Variants in RELCH observed in about 807,000 individuals in gnomAD.
RELCH encodes RAB11 binding and LisH domain, coiled-coil and HEAT repeat containing, also known as RAB11-binding protein RELCH.
RELCH carries 41 observed loss-of-function variants against 150.3 expected under a neutral mutation model. The observed-to-expected ratio is 0.27, with a 90% confidence interval of 0.21 to 0.35. The LOEUF is 0.35. Ranked by LOEUF, RELCH falls within the 10% of genes least tolerant of loss-of-function variation. RELCH has a pLI of 1.00. For synonymous variants in RELCH, 478 were observed against 531.8 expected (o/e 0.90, Z 1.39); for missense variants, 1,092 against 1,467.8 (o/e 0.74, Z 4.18).
intron 12 of RELCH, among the ~76,000 whole-genome samples, chr18:62,253,182 GT>G (rs1485272139): frequency 1.3e-5 from 2 of 151,674 alleles, no homozygotes; most frequent in African/African-American, 4.8e-5. Flanking sequence ...AGGCAATGAT[GT>G]TTAGGAAAGA....
intron 19 of RELCH, among the ~76,000 whole-genome samples, chr18:62,267,668 G>A (rs756262452): frequency 5.9e-5 from 9 of 151,498 alleles, no homozygotes; most frequent in Non-Finnish European, 1.0e-4. Context: ...GTGTGGGGGC[G>A]GTGGACAAAT....
At chr18:62,269,487 A>C in intron 20 of RELCH, 1 of 341,794 alleles carries the variant, frequency 2.9e-6, no homozygotes, top group South Asian at 2.2e-5. Flanking sequence ...TGTGTTTCAT[A>C]TACACATTAT....
chr18:62,277,842 G>A (rs2044296336), intron 22 of RELCH: 1 of 890,974 alleles, frequency 1.1e-6, no homozygotes, highest in South Asian at 5.1e-5. Context: ...TTTCCCAAAA[G>A]ATGCAGAAAA....
rs750693301 is a variant in RELCH, at chr18:62,261,554, T to C, written c.2246T>C (p.Leu749Pro). The C allele has an allele frequency of 1.6e-5, 26 of 1,612,084 alleles. No individual in the cohort carries two copies. The highest frequency in any genetic ancestry group is 2.2e-5 in the Non-Finnish European group (26 of 1,178,852). The change falls in exon 16 of 29, where the codon CTT (leucine) becomes CCT (proline). Residue 749 changes from leucine (L) to proline (P), a missense_variant. Coordinates refer to ENST00000644646, the MANE Select transcript of RELCH (RefSeq NM_001346231.2). ...GLDEHKLHMY[L>P]SALQSLIPSL... ...GATGAACACAAACTCCACATGTATC[T>C]TTCTGCCTTGCAGTCCTTGATCCCA...
intron 27 of RELCH, among the ~76,000 whole-genome samples, chr18:62,298,210 TGTG>T (rs2045509366): frequency 6.6e-6 from 1 of 152,110 alleles, no homozygotes; most frequent in African/African-American, 2.4e-5. Flanking sequence ...CATTTTCTGG[TGTG>T]GTTGCCAGAT....
At chr18:62,299,970 T>G (rs1271063368) in intron 28 of RELCH, 1 of 152,310 alleles carries the variant, frequency 6.6e-6, no homozygotes. Context: ...TTCATAAATG[T>G]CAGTGATTTG....
At chr18:62,254,268 T>C (rs1257300372) in intron 12 of RELCH, among the ~76,000 whole-genome samples, 1 of 152,144 alleles carries the variant, frequency 6.6e-6, no homozygotes, top group Non-Finnish European at 1.5e-5. Context: ...CTTTTAAAAT[T>C]TCTCTCAACA....
At chr18:62,300,154 T>A (rs1321708443) in intron 28 of RELCH, 2 of 152,242 alleles carry the variant, frequency 1.3e-5, no homozygotes, top group African/African-American at 4.8e-5. Context: ...CCTATAGAGT[T>A]TCCCACAGTC....
At position 62,206,819 on chromosome 18, in the gene RELCH, G is replaced by A. The variant is rs1307410372; in HGVS notation, c.527-4334G>A. ...ACCCACCACCCCCTCTCCCCGCCCC[G>A]CAGCTTCTGTACATTGTAACTGCTA... On this transcript the variant is annotated intron_variant, in intron 1 of 28. Coordinates refer to ENST00000644646, the MANE Select transcript of RELCH (RefSeq NM_001346231.2). Among the ~76,000 whole-genome samples the A allele has an allele frequency of 7.9e-4, 3 of 3,816 alleles. No individual in the cohort carries two copies. The Admixed American group carries it at 0.01, about 13-fold the overall frequency. The allele number at this position is 3,816 out of a possible 152,430, so 2.5% of individuals were successfully genotyped here.
chr18:62,224,693 C>T (rs1250060256), intron 5 of RELCH, among the ~76,000 whole-genome samples: 1 of 152,076 alleles, frequency 6.6e-6, no homozygotes, highest in East Asian at 1.9e-4. Flanking sequence ...AGGAATAAAT[C>T]TGACAGCTTC....
intron 22 of RELCH, among the ~76,000 whole-genome samples, chr18:62,275,847 A>T (rs559540308): frequency 6.6e-6 from 1 of 152,192 alleles, no homozygotes; most frequent in Non-Finnish European, 1.5e-5. Context: ...ATATAGTTGA[A>T]TTTATCAGTA....
At chr18:62,249,974 C>T (rs2042615516) in intron 11 of RELCH, among the ~76,000 whole-genome samples, 1 of 152,092 alleles carries the variant, frequency 6.6e-6, no homozygotes, top group Non-Finnish European at 1.5e-5. Context: ...ATTTTATGCT[C>T]AATAATGATG....
rs1288973841 is a variant in RELCH, at chr18:62,221,051, C to G, written c.631C>G (p.Leu211Val). 6.2e-7 allele frequency: 1 copy of G among 1,613,120 alleles called. No individual in the cohort carries two copies. Among genetic ancestry groups the G allele is most frequent in the South Asian group, 1.1e-5 (1 of 91,034 alleles). ...DEKVAVLEFE[L>V]RKAKETIQAL... ...TCCCTGTCCAGTCCTGGAGTTTGAACTACGGAAAGCCAAGGAGACCATTCA... is the reference window on the plus strand; with the variant it reads ...TCCCTGTCCAGTCCTGGAGTTTGAAGTACGGAAAGCCAAGGAGACCATTCA... Residue 211 changes from leucine (L) to valine (V), a missense_variant, in exon 3 of 29, where the codon CTA becomes GTA. Transcript: ENST00000644646.
At chr18:62,188,997 C>G (rs920236095) in intron 1 of RELCH, among the ~76,000 whole-genome samples, 7 of 151,948 alleles carry the variant, frequency 4.6e-5, no homozygotes, top group African/African-American at 1.7e-4. Flanking sequence ...TTTTTAATCA[C>G]TATGCTTTTG....
chr18:62,195,924 G>C (rs1336478613), intron 1 of RELCH, among the ~76,000 whole-genome samples: 1 of 152,114 alleles, frequency 6.6e-6, no homozygotes, highest in Non-Finnish European at 1.5e-5. Context: ...TCAAACTTCT[G>C]ACCTCATGTG....
At chr18:62,297,554 G>T (rs2045471039) in intron 27 of RELCH, among the ~76,000 whole-genome samples, 1 of 152,170 alleles carries the variant, frequency 6.6e-6, no homozygotes, top group Non-Finnish European at 1.5e-5. Context: ...TAACCTGTGA[G>T]ACAAGAGAGT....
intron 11 of RELCH, among the ~76,000 whole-genome samples, chr18:62,251,345 C>A (rs1209851798): frequency 6.6e-6 from 1 of 152,174 alleles, no homozygotes; most frequent in Non-Finnish European, 1.5e-5. Context: ...TGGTCATTGT[C>A]AAGAATCAGT....
At position 62,291,481 on chromosome 18, in the gene RELCH, G is replaced by A. The variant is rs147913047; in HGVS notation, c.3371-62G>A. 2,675 of 902,680 alleles carry A rather than the reference G, an allele frequency of 3.0e-3. 9 individuals are homozygous for A. The highest frequency in any genetic ancestry group is 6.1e-3 in the Middle Eastern group (28 of 4,626). The allele number at this position is 902,680 out of a possible 1,614,324, so 55.9% of individuals were successfully genotyped here. ...GCTTCTCTTTTATATGTAGTAACTC[G>A]GTTGTTCTGTTGGACATACCAATTT... is the stretch of plus-strand genomic sequence containing the variant. On this transcript the variant is annotated intron_variant, in intron 26 of 28. Coordinates refer to ENST00000644646, the MANE Select transcript of RELCH (RefSeq NM_001346231.2).
At chr18:62,231,408 G>A (rs1212983323) in intron 9 of RELCH, 139 bp downstream of exon 9, 4 of 521,006 alleles carry the variant, frequency 7.7e-6, no homozygotes, top group South Asian at 3.0e-5. Context: ...AATGCTCTAA[G>A]ATATAGTTCC....
Sources: allele counts gnomAD v4.1 joint callset (sites outside exome capture counted in the v4.1 genomes callset), GRCh38; gene constraint gnomAD v4.1.1; transcripts MANE v1.5; gene names NCBI Gene and HGNC (gene_info 2026-07-23, HGNC 2026-07-21).